ABCA5: variants seen among roughly 807,000 people sequenced by gnomAD.
The protein encoded by ABCA5 is ATP binding cassette subfamily A member 5.
A neutral mutation model predicts 206.0 loss-of-function variants in ABCA5; 163 were observed. That is an observed-to-expected ratio of 0.79 (90% CI 0.70 to 0.90). The LOEUF (loss-of-function observed/expected upper bound fraction) is 0.90. ABCA5 is among the 40% of genes least tolerant of loss of function. The pLI is 0.00. For missense variants in ABCA5, 1,859 were observed against 1,912.9 expected, an observed-to-expected ratio of 0.97 and a Z score of 0.53; for synonymous variants, 609 against 613.8, an observed-to-expected ratio of 0.99 and a Z score of 0.11.
chr17:69,275,516 T>G (rs1476846147), intron 19 of ABCA5, among the ~76,000 whole-genome samples: 2 of 152,144 alleles, frequency 1.3e-5, no homozygotes, highest in Admixed American at 6.5e-5. Flanking sequence ...AGTTCCATAA[T>G]AAGTTAAGAA....
At chr17:69,316,511 A>G (rs1053229808) in intron 1 of ABCA5, among the ~76,000 whole-genome samples, 3 of 151,716 alleles carry the variant, frequency 2.0e-5, no homozygotes, top group Non-Finnish European at 4.4e-5. Flanking sequence ...AGAAGAAAAA[A>G]GAAAACTATA....
intron 18 of ABCA5, among the ~76,000 whole-genome samples, chr17:69,283,327 T>C (rs1371263901): frequency 1.3e-5 from 2 of 152,180 alleles, no homozygotes; most frequent in Non-Finnish European, 2.9e-5. Context: ...GTATTAACTA[T>C]AGCAGTTTCC....
At chr17:69,264,219 A>C (rs2075182918) in intron 24 of ABCA5, among the ~76,000 whole-genome samples, 1 of 152,042 alleles carries the variant, frequency 6.6e-6, no homozygotes, top group South Asian at 2.1e-4. Context: ...TTCCTTCACC[A>C]ATGTTTTGTA....
chr17:69,278,087 A>G (rs2075353542), intron 18 of ABCA5, among the ~76,000 whole-genome samples: 2 of 152,058 alleles, frequency 1.3e-5, no homozygotes, highest in African/African-American at 4.8e-5. Flanking sequence ...GTACAAGAAC[A>G]TGAGAATGTT....
intron 23 of ABCA5, among the ~76,000 whole-genome samples, chr17:69,267,473 T>C (rs11654323): frequency 0.41 from 62,035 of 152,062 alleles, 13,268 homozygotes; most frequent in Middle Eastern, 0.53. Context: ...AAGGCCCTAA[T>C]GATGACAATC....
chr17:69,324,946 C>T (rs1011245023), intron 1 of ABCA5, among the ~76,000 whole-genome samples: 1 of 152,042 alleles, frequency 6.6e-6, no homozygotes, highest in Admixed American at 6.5e-5. Context: ...ACAAAATATG[C>T]CTTTTAGCTT....
At chr17:69,247,678 T>C (rs1188358816) in intron 38 of ABCA5, 34 bp from the exon 39 acceptor site, 2 of 1,326,424 alleles carry the variant, frequency 1.5e-6, no homozygotes, top group African/African-American at 2.9e-5. Flanking sequence ...TACAGTATGC[T>C]GTATCTCAAG....
chr17:69,294,849 A>G (rs1178020151), intron 10 of ABCA5, 136 bp from the exon 11 acceptor site: 13 of 555,732 alleles, frequency 2.3e-5, no homozygotes, highest in Non-Finnish European at 3.8e-5. Flanking sequence ...TTTCCTACTA[A>G]AACAATGAAC....
Position 69,252,836 on chromosome 17 carries a change from C to CAA in ABCA5, c.4415+735_4415+736dup, listed in dbSNP as rs34161698. Reference sequence around the variant, plus strand: ...TGGTCAACAGAACAAGACTCTGACTCAAAAAAAAAAAAAAAAAAAGAGTTG... The same window carrying CAA: ...TGGTCAACAGAACAAGACTCTGACTCAAAAAAAAAAAAAAAAAAAAAGAGTTG... On this transcript the variant is annotated intron_variant, in intron 34 of 38. Coordinates refer to ENST00000392676, the MANE Select transcript of ABCA5 (RefSeq NM_172232.4). Among the ~76,000 whole-genome samples the CAA allele has an allele frequency of 2.1e-3, 201 of 96,958 alleles. 4 individuals are homozygous for CAA. The highest frequency in any genetic ancestry group is 7.6e-3 in the African/African-American group (187 of 24,574). 63.6% of individuals were successfully genotyped at this position (96,958 alleles called of 152,430 possible).
Position 69,293,849 on chromosome 17 carries a change from TGTGTGTGTGTGTGTGTGTGTGTGC to T in ABCA5, c.1495+782_1495+805del, listed in dbSNP as rs1325142786. The stretch of plus-strand genomic sequence containing the variant: ...AATCATACTGGTGTGTGTGTGTGTG[TGTGTGTGTGTGTGTGTGTGTGTGC>T]GTGTGTGTGTGTTTGTGTGTGTGTG... On this transcript the variant is annotated intron_variant, in intron 11 of 38. Coordinates refer to ENST00000392676, the MANE Select transcript of ABCA5 (RefSeq NM_172232.4). 6.9e-3 allele frequency among the ~76,000 whole-genome samples: 724 copies of T among 104,256 alleles called. 10 individuals are homozygous for T. The highest frequency in any genetic ancestry group is 0.02 in the African/African-American group (647 of 32,238). 68.4% of individuals were successfully genotyped at this position (104,256 alleles called of 152,430 possible).
Position 69,301,197 on chromosome 17 carries a change from G to A in ABCA5, c.1209C>T (p.Leu403=), listed in dbSNP as rs138909949. Residue 403 remains leucine (L), a synonymous_variant, in exon 9 of 39, where the codon CTC becomes CTT. Coordinates refer to ENST00000392676, the MANE Select transcript of ABCA5 (RefSeq NM_172232.4). ...PYPLIITIIM[L]TLNSIFYVLL... is the part of the protein sequence containing the mutation. ...GGACATAGAATATACTATTAAGTGT[G>A]AGCATGATAATTGTAATAATTAGAG... 1.4e-5 allele frequency: 22 copies of A among 1,601,384 alleles called. No individual in the cohort carries two copies. The highest frequency in any genetic ancestry group is 1.2e-4 in the African/African-American group (9 of 74,134).
At chr17:69,315,647 G>A (rs965512161) in intron 1 of ABCA5, among the ~76,000 whole-genome samples, 1 of 152,072 alleles carries the variant, frequency 6.6e-6, no homozygotes, top group Admixed American at 6.5e-5. Context: ...GCTGGGTGTG[G>A]TGGCACACAC....
chr17:69,249,774 T>G (rs1232221503), intron 37 of ABCA5, 131 bp downstream of exon 37: 9 of 1,222,370 alleles, frequency 7.4e-6, no homozygotes, highest in South Asian at 1.8e-5. Context: ...ATAAAATTCT[T>G]TCATAATTTG....
intron 18 of ABCA5, among the ~76,000 whole-genome samples, chr17:69,280,382 C>T (rs1393531276): frequency 1.3e-5 from 2 of 151,554 alleles, no homozygotes; most frequent in African/African-American, 4.8e-5. Context: ...AGTCAGGAAA[C>T]AACAGGTGCT....
At chr17:69,314,658 C>T in intron 1 of ABCA5, 1 of 395,462 alleles carries the variant, frequency 2.5e-6, no homozygotes, top group Non-Finnish European at 4.5e-6. Flanking sequence ...GAAATACCAC[C>T]ATATCAACAG....
intron 1 of ABCA5, among the ~76,000 whole-genome samples, chr17:69,321,678 C>T (rs2075866576): frequency 6.6e-6 from 1 of 151,856 alleles, no homozygotes; most frequent in Non-Finnish European, 1.5e-5. Context: ...AAAATCTTAC[C>T]AATGAAATAC....
Position 69,313,194 on chromosome 17 carries a change from T to A in ABCA5, c.205A>T (p.Met69Leu). Residue 69 changes from methionine (M) to leucine (L), a missense_variant, in exon 3 of 39, where the codon ATG (methionine) becomes TTG (leucine). Physicochemically the swap from Met to Leu is conservative, Grantham distance 15 (BLOSUM62 2). Coordinates refer to ENST00000392676, the MANE Select transcript of ABCA5 (RefSeq NM_172232.4). ...EEVPNIELNP[M>L]DKFTLSNLIL... ...AGATTAGAAAGAGTAAACTTGTCCA[T>A]AGGATTGAGTTCTATATTAGGCACT... 6.3e-7 allele frequency: 1 copy of A among 1,589,334 alleles called. No individual in the cohort carries two copies. The highest frequency in any genetic ancestry group is 8.6e-7 in the Non-Finnish European group (1 of 1,158,218).
intron 20 of ABCA5, among the ~76,000 whole-genome samples, chr17:69,273,702 C>T (rs1047326274): frequency 7.9e-5 from 12 of 151,992 alleles, no homozygotes; most frequent in African/African-American, 2.4e-4. Flanking sequence ...GTGATCCACC[C>T]GCCTTGGCCT....
Position 69,264,764 on chromosome 17 carries a change from A to G in ABCA5, c.3286T>C (p.Tyr1096His). 1 of 1,582,862 alleles carries G rather than the reference A, an allele frequency of 6.3e-7. No homozygotes were observed. The highest frequency in any genetic ancestry group is 8.6e-7 in the Non-Finnish European group (1 of 1,167,132). ...GCAAGGAACTTTACAGTATAAAAATATAATCCATAATGAAATGCCAATAAG... is the reference window on the plus strand; with the variant it reads ...GCAAGGAACTTTACAGTATAAAAATGTAATCCATAATGAAATGCCAATAAG... ...GSLLAFHYGL[Y>H]FYTVKFLAVV... Residue 1096 changes from tyrosine to histidine, a missense_variant, in exon 24 of 39, where the codon TAT becomes CAT. Physicochemically the swap from Tyr to His is moderately conservative, Grantham distance 83 (BLOSUM62 2). Coordinates refer to ENST00000392676, the MANE Select transcript of ABCA5 (RefSeq NM_172232.4).
Sources: allele counts gnomAD v4.1 joint callset (sites outside exome capture counted in the v4.1 genomes callset), GRCh38; gene constraint gnomAD v4.1.1; transcripts MANE v1.5; gene names NCBI Gene and HGNC (gene_info 2026-07-23, HGNC 2026-07-21).